The following MYO16 variants were observed in gnomAD, a reference collection of about 807,000 sequenced individuals.
The protein encoded by MYO16 is unconventional myosin-XVI.
MYO16 carries 94 observed loss-of-function variants against 205.3 expected under a neutral mutation model. The ratio of observed to expected loss-of-function variants is 0.46; its 90% CI spans 0.39 to 0.54. MYO16 has a LOEUF of 0.54. Ranked by LOEUF, MYO16 falls within the 20% of genes least tolerant of loss-of-function variation. The pLI is 0.00. For missense variants in MYO16, 2,315 were observed against 2,387.5 expected, an observed-to-expected ratio of 0.97 and a Z score of 0.63; for synonymous variants, 988 against 954.0, an observed-to-expected ratio of 1.04 and a Z score of -0.66.
chr13:108,824,201 C>T (rs1876135495), intron 9 of MYO16, among the ~76,000 whole-genome samples: 1 of 151,906 alleles, frequency 6.6e-6, no homozygotes, highest in Admixed American at 6.6e-5. Context: ...ATTGATAGCA[C>T]CTGTAAAATT....
At chr13:109,175,507 C>T (rs910246597) in intron 33 of MYO16, among the ~76,000 whole-genome samples, 6 of 152,080 alleles carry the variant, frequency 3.9e-5, no homozygotes, top group African/African-American at 9.7e-5. Context: ...GTAGGGTGGA[C>T]GCAGTTTCAG....
At chr13:108,654,399 G>T (rs146992761) in intron 1 of MYO16, among the ~76,000 whole-genome samples, 107 of 152,228 alleles carry the variant, frequency 7.0e-4, no homozygotes, top group Admixed American at 1.8e-3. Context: ...ATTTTCTCTT[G>T]CTGCTGCCAT....
At chr13:109,088,208 C>A (rs1888501960) in intron 27 of MYO16, among the ~76,000 whole-genome samples, 1 of 152,142 alleles carries the variant, frequency 6.6e-6, no homozygotes, top group African/African-American at 2.4e-5. Flanking sequence ...ATTAGGTATG[C>A]ACGGGTGCGG....
chr13:108,896,125 C>T (rs1213925703), intron 14 of MYO16, among the ~76,000 whole-genome samples: 2 of 152,154 alleles, frequency 1.3e-5, no homozygotes, highest in African/African-American at 4.8e-5. Context: ...TATTAATTAC[C>T]TGTAATGTCC....
chr13:108,534,536 C>G, the MYO16 span, among the ~76,000 whole-genome samples: 1 of 151,478 alleles, frequency 6.6e-6, no homozygotes, highest in African/African-American at 2.4e-5. Context: ...AAACCTTTTA[C>G]GAAAAAATTG....
At chr13:108,530,061 C>T in the MYO16 span, among the ~76,000 whole-genome samples, 2 of 152,226 alleles carry the variant, frequency 1.3e-5, no homozygotes, top group South Asian at 2.1e-4. Context: ...TTCCCAATTC[C>T]TTCTGCTCCC....
At chr13:109,077,150 G>T (rs1888135982) in intron 27 of MYO16, among the ~76,000 whole-genome samples, 1 of 151,998 alleles carries the variant, frequency 6.6e-6, no homozygotes, top group South Asian at 2.1e-4. Flanking sequence ...CTCCCAACTA[G>T]CTGAGACTAC....
At chr13:109,105,757 T>C (rs1466654858) in intron 28 of MYO16, among the ~76,000 whole-genome samples, 2 of 152,238 alleles carry the variant, frequency 1.3e-5, no homozygotes, top group Non-Finnish European at 2.9e-5. Flanking sequence ...ATTTCTGTTG[T>C]GTCTTTTATA....
At chr13:108,917,041 GAATGTGAGATGCAGAAACTC>G (rs1260159149) in intron 16 of MYO16, among the ~76,000 whole-genome samples, 1 of 2,202 alleles carries the variant, frequency 4.5e-4, no homozygotes. Context: ...GCAGAAACTC[GAATGTGAGATGCAGAAACTC>G]AAATGCGGCT....
At chr13:109,094,490 C>T (rs1341053683) in intron 27 of MYO16, among the ~76,000 whole-genome samples, 2 of 152,192 alleles carry the variant, frequency 1.3e-5, no homozygotes, top group African/African-American at 4.8e-5. Context: ...GGACAACAGG[C>T]GTGAGCCACT....
intron 7 of MYO16, among the ~76,000 whole-genome samples, chr13:108,810,142 C>G (rs914346988): frequency 6.6e-6 from 1 of 152,158 alleles, no homozygotes; most frequent in African/African-American, 2.4e-5. Context: ...TTATTTTTAT[C>G]CTCTGCTTCG....
At chr13:109,144,802 G>A (rs12429421) in intron 32 of MYO16, among the ~76,000 whole-genome samples, 3,089 of 152,292 alleles carry the variant, frequency 0.02, 51 homozygotes, top group South Asian at 0.03. Context: ...ACATCGAGGA[G>A]ATTAAACTGC....
At chr13:108,600,234 T>G (rs1461954786) in intron 1 of MYO16, among the ~76,000 whole-genome samples, 1 of 152,186 alleles carries the variant, frequency 6.6e-6, no homozygotes, top group African/African-American at 2.4e-5. Context: ...TCTGATTATG[T>G]CAGACAAAAC....
chr13:108,550,312 C>A, the MYO16 span, among the ~76,000 whole-genome samples: 1 of 152,226 alleles, frequency 6.6e-6, no homozygotes, highest in Admixed American at 6.5e-5. Context: ...CATGCTGTAC[C>A]CCTGAGCTTT....
intron 2 of MYO16, among the ~76,000 whole-genome samples, chr13:108,675,258 C>T (rs888731078): frequency 3.3e-5 from 5 of 152,276 alleles, no homozygotes; most frequent in Non-Finnish European, 7.4e-5. Flanking sequence ...ATATGTAGAG[C>T]GCAGGCACAT....
chr13:109,154,823 A>G (rs919204181), intron 32 of MYO16, among the ~76,000 whole-genome samples: 3 of 150,490 alleles, frequency 2.0e-5, no homozygotes, highest in Non-Finnish European at 3.0e-5. Flanking sequence ...AATATAAATA[A>G]CCTCATGACC....
At chr13:109,186,032 G>C (rs1217443305) in intron 34 of MYO16, among the ~76,000 whole-genome samples, 1 of 151,888 alleles carries the variant, frequency 6.6e-6, no homozygotes, top group Non-Finnish European at 1.5e-5. Context: ...CAGACTTTAG[G>C]GTTAACAACT....
chr13:109,178,266 G>A lies in MYO16; in HGVS notation c.5324-1276G>A, dbSNP rs149556235. Among the ~76,000 whole-genome samples the A allele has an allele frequency of 1.8e-3, 275 of 152,122 alleles. 3 individuals carry two copies. The East Asian group carries it at 0.023, about 13-fold the overall frequency. ...GAGGCTACTGCTGCTGCCTGTGGCC[G>A]AGATCTGTTCTCCAGCAAGAGACCC... On this transcript the variant is annotated intron_variant, in intron 33 of 34. Transcript: ENST00000457511.
the MYO16 span, among the ~76,000 whole-genome samples, chr13:108,574,708 T>TGC: frequency 6.2e-3 from 511 of 81,774 alleles, 3 homozygotes; most frequent in African/African-American, 0.019. Flanking sequence ...TGTGTGTGTG[T>TGC]GCGCTTGTGT....
Sources: allele counts gnomAD v4.1 joint callset (sites outside exome capture counted in the v4.1 genomes callset), GRCh38; gene constraint gnomAD v4.1.1; transcripts MANE v1.5; gene names NCBI Gene and HGNC (gene_info 2026-07-23, HGNC 2026-07-21).